Variants in GPRC5A observed in about 807,000 individuals in gnomAD.
GPRC5A encodes the protein retinoic acid-induced protein 3.
In GPRC5A, 19 loss-of-function variants were observed where a neutral mutation model predicts 22.5. That is an observed-to-expected ratio of 0.85 (90% confidence interval 0.59 to 1.24). The LOEUF (loss-of-function observed/expected upper bound fraction) is 1.24. Ranked by LOEUF, GPRC5A falls within the 50% of genes most tolerant of loss-of-function variation. The probability of loss-of-function intolerance (pLI) is 0.00; values close to 1 mark genes in which losing one functional copy is unlikely to be tolerated. For missense variants in GPRC5A, 471 were observed against 451.1 expected, an observed-to-expected ratio of 1.04 and a Z score of -0.40; for synonymous variants, 192 against 184.5, an observed-to-expected ratio of 1.04 and a Z score of -0.33.
At chr12:12,902,438 G>T (rs1041098254) in intron 1 of GPRC5A, among the ~76,000 whole-genome samples, 26 of 151,870 alleles carry the variant, frequency 1.7e-4, no homozygotes, top group African/African-American at 6.3e-4. Flanking sequence ...AGTTATTAAA[G>T]TGTGGTTAAG....
intron 1 of GPRC5A, among the ~76,000 whole-genome samples, chr12:12,895,930 T>C (rs977178384): frequency 2.1e-5 from 3 of 144,460 alleles, no homozygotes; most frequent in African/African-American, 7.8e-5. Flanking sequence ...GAGGTGGAGC[T>C]TGCAGTGAGC....
chr12:12,901,762 CAAAAAA>C (rs34748296), intron 1 of GPRC5A, among the ~76,000 whole-genome samples: 1 of 85,678 alleles, frequency 1.2e-5, no homozygotes, highest in African/African-American at 3.8e-5. Context: ...ACTTGGGCAT[CAAAAAA>C]AAAAAAAAAA....
In GPRC5A at chr12:12,909,254, T is replaced by G. The variant is rs532497069; in HGVS notation, c.922+83T>G. ...TAGGATATTATAACTGTAAGGAACATGCAAGATTTTCCAGATTATACCCTT... is the reference window on the plus strand; with the variant it reads ...TAGGATATTATAACTGTAAGGAACAGGCAAGATTTTCCAGATTATACCCTT... On this transcript the variant is annotated intron_variant, in intron 2 of 3. Coordinates refer to ENST00000014914, the MANE Select transcript of GPRC5A (RefSeq NM_003979.4). 92 of 1,005,512 alleles carry G rather than the reference T, an allele frequency of 9.1e-5. No individual in the cohort carries two copies. In the African/African-American group the frequency reaches 1.3e-3, roughly 14 times the overall value. 62.3% of individuals were successfully genotyped at this position (1,005,512 alleles called of 1,614,324 possible).
rs1438728651 is a variant in GPRC5A at position 12,917,032 on chromosome 12, T to C, written c.*4493T>C. 2 of 152,002 alleles carry C rather than the reference T, an allele frequency of 1.3e-5. No individual in the cohort carries two copies. Among genetic ancestry groups the C allele is most frequent in the African/African-American group, 4.8e-5 (2 of 41,356 alleles). The allele number at this position is 152,002 out of a possible 1,614,324, so 9.4% of individuals were successfully genotyped here. Reference sequence around the variant, plus strand: ...TGGAGGTGGCAGCTTCAGAAAAAAATCCTTCTCGTGTGTTGACTGCTGAGA... The same window carrying C: ...TGGAGGTGGCAGCTTCAGAAAAAAACCCTTCTCGTGTGTTGACTGCTGAGA... On this transcript the variant is annotated 3_prime_UTR_variant, in exon 4 of 4. Coordinates refer to ENST00000014914, the MANE Select transcript of GPRC5A (RefSeq NM_003979.4).
chr12:12,901,142 C>A (rs183611865), intron 1 of GPRC5A, among the ~76,000 whole-genome samples: 1 of 152,044 alleles, frequency 6.6e-6, no homozygotes, highest in Admixed American at 6.6e-5. Context: ...TTGCTCATGC[C>A]CAAGGCCAGA....
At chr12:12,905,994 G>A (rs1863937874) in intron 1 of GPRC5A, among the ~76,000 whole-genome samples, 1 of 152,104 alleles carries the variant, frequency 6.6e-6, no homozygotes, top group South Asian at 2.1e-4. Context: ...GGGGTAGGGA[G>A]AGAGAGAAAG....
Position 12,908,547 on chromosome 12 carries a change from C to G in GPRC5A, c.298C>G (p.Leu100Val). ...DGSTGPTRFF[L>V]FGILFSICFS... ...GAGCACAGGGCCCACACGCTTCTTC[C>G]TCTTTGGGATCCTCTTTTCCATCTG... Residue 100 changes from leucine (L) to valine (V), a missense_variant, in exon 2 of 4, where the codon CTC (leucine) becomes GTC (valine). Physicochemically the swap from Leu to Val is conservative, Grantham distance 32. Transcript: ENST00000014914. 2 of 1,614,156 alleles carry G rather than the reference C, an allele frequency of 1.2e-6. No individual in the cohort carries two copies. Among genetic ancestry groups the G allele is most frequent in the Non-Finnish European group, 1.7e-6 (2 of 1,180,038 alleles).
rs117882525 is a variant in GPRC5A at position 12,894,089 on chromosome 12, T to C, written c.-8+2425T>C. Among the ~76,000 whole-genome samples the C allele has an allele frequency of 4.3e-3, 660 of 152,330 alleles. 5 individuals are homozygous for C. Among genetic ancestry groups the C allele is most frequent in the South Asian group, 0.015 (71 of 4,826 alleles). On this transcript the variant is annotated intron_variant, in intron 1 of 3. Coordinates refer to ENST00000014914, the MANE Select transcript of GPRC5A (RefSeq NM_003979.4). ...CTATTTTACTAAAACACAGCAATGCTCATATGTTTATGTATCATCTATGCT... is the reference window on the plus strand; with the variant it reads ...CTATTTTACTAAAACACAGCAATGCCCATATGTTTATGTATCATCTATGCT...
In GPRC5A at chr12:12,912,745, A is replaced by ATTT. The variant is rs111900693; in HGVS notation, c.*217_*219dup. 2.5e-3 allele frequency: 1,063 copies of ATTT among 433,492 alleles called. 11 individuals are homozygous for ATTT. The highest frequency in any genetic ancestry group is 0.019 in the African/African-American group (913 of 47,018). 26.9% of individuals were successfully genotyped at this position (433,492 alleles called of 1,614,324 possible). A position where few individuals can be genotyped will look rare whatever the true frequency, so the allele number is the denominator to read the frequency against. The stretch of plus-strand genomic sequence containing the variant: ...CTCCAGTTCTTAGAGGCGCTGTAGT[A>ATTT]TTTTTTTTTTTTTGTCTCATCCTTT... On this transcript the variant is annotated 3_prime_UTR_variant, in exon 4 of 4. Coordinates refer to ENST00000014914, the MANE Select transcript of GPRC5A (RefSeq NM_003979.4).
chr12:12,904,318 A>G (rs1863918449), intron 1 of GPRC5A, among the ~76,000 whole-genome samples: 1 of 152,086 alleles, frequency 6.6e-6, no homozygotes, highest in Admixed American at 6.6e-5. Flanking sequence ...TCTGAACCTC[A>G]TTTGCCTTTT....
At chr12:12,902,435 A>T (rs1863898998) in intron 1 of GPRC5A, among the ~76,000 whole-genome samples, 1 of 151,938 alleles carries the variant, frequency 6.6e-6, no homozygotes, top group African/African-American at 2.4e-5. Flanking sequence ...GTTAGTTATT[A>T]AAGTGTGGTT....
chr12:12,909,523 G>GA (rs1863981658), intron 2 of GPRC5A: 1 of 194,768 alleles, frequency 5.1e-6, no homozygotes. Context: ...AGGATAACGA[G>GA]ACAAATTCCC....
chr12:12,893,827 C>T (rs1394475691), intron 1 of GPRC5A, among the ~76,000 whole-genome samples: 1 of 152,186 alleles, frequency 6.6e-6, no homozygotes, highest in African/African-American at 2.4e-5. Flanking sequence ...GATCTCGGCT[C>T]ACTGAAACCT....
At position 12,908,764 on chromosome 12, in the gene GPRC5A, G is replaced by T. The variant is rs148818955; in HGVS notation, c.515G>T (p.Arg172Leu). 6.2e-7 allele frequency: 1 copy of T among 1,614,066 alleles called. No homozygotes were observed. Among genetic ancestry groups the T allele is most frequent in the Non-Finnish European group, 8.5e-7 (1 of 1,180,050 alleles). ...GTCTTTTCTGAGCTTTCCGCTCCTCGTCGCAATGAAGACTTTGTCCTCCTG... is the reference window on the plus strand; with the variant it reads ...GTCTTTTCTGAGCTTTCCGCTCCTCTTCGCAATGAAGACTTTGTCCTCCTG... ...VNVFSELSAPRRNEDFVLLLT... is the reference protein window; with the variant it reads ...VNVFSELSAPLRNEDFVLLLT... Residue 172 changes from arginine to leucine, a missense_variant, in exon 2 of 4, where the codon CGT becomes CTT. Transcript: ENST00000014914.
At chr12:12,907,437 C>G (rs994098409) in intron 1 of GPRC5A, among the ~76,000 whole-genome samples, 3 of 145,672 alleles carry the variant, frequency 2.1e-5, no homozygotes, top group Non-Finnish European at 4.5e-5. Context: ...AAAAATCTAC[C>G]ATTCAGATAA....
chr12:12,906,277 T>G (rs559903924), intron 1 of GPRC5A, among the ~76,000 whole-genome samples: 30 of 152,272 alleles, frequency 2.0e-4, no homozygotes, highest in Middle Eastern at 6.8e-3. Context: ...TGATTAGAAG[T>G]AAAAATTCGA....
intron 1 of GPRC5A, chr12:12,892,060 G>C (rs536340446): frequency 6.6e-5 from 10 of 152,474 alleles, no homozygotes; most frequent in African/African-American, 2.4e-4. Context: ...GAGTGGAGGG[G>C]GAGTGGGAAA....
At chr12:12,895,973 A>G (rs894833071) in intron 1 of GPRC5A, among the ~76,000 whole-genome samples, 1 of 141,248 alleles carries the variant, frequency 7.1e-6, no homozygotes, top group Non-Finnish European at 1.5e-5. Context: ...AGCCTGGGCA[A>G]CATAGTGAGA....
In GPRC5A at chr12:12,917,547, CTGTATA is replaced by C. The variant is rs138763242; in HGVS notation, c.*5010_*5015del. 5,106 of 152,208 alleles carry C rather than the reference CTGTATA, an allele frequency of 0.034. 103 individuals carry two copies. The highest frequency in any genetic ancestry group is 0.055 in the Non-Finnish European group (3,708 of 68,008). The allele number at this position is 152,208 out of a possible 1,614,324, so 9.4% of individuals were successfully genotyped here. A position where few individuals can be genotyped will look rare whatever the true frequency, so the allele number is the denominator to read the frequency against. On this transcript the variant is annotated 3_prime_UTR_variant, in exon 4 of 4. Coordinates refer to ENST00000014914, the MANE Select transcript of GPRC5A (RefSeq NM_003979.4). ...AGTAGAGAATCCTACTCAAATTTCACTGTATATTTTAAGCATTCCTCTCCTTTCCCT... is the reference window on the plus strand; with the variant it reads ...AGTAGAGAATCCTACTCAAATTTCACTTTTAAGCATTCCTCTCCTTTCCCT...
Sources: allele counts gnomAD v4.1 joint callset (sites outside exome capture counted in the v4.1 genomes callset), GRCh38; gene constraint gnomAD v4.1.1; transcripts MANE v1.5; gene names NCBI Gene and HGNC (gene_info 2026-07-23, HGNC 2026-07-21).